The following MACROD2 variants were observed in gnomAD, a reference collection of about 807,000 sequenced individuals.
The protein encoded by MACROD2 is ADP-ribose glycohydrolase MACROD2.
Under a neutral mutation model 70.4 loss-of-function variants are expected in MACROD2, and 36 were observed. The observed-to-expected ratio is 0.51, with a 90% confidence interval of 0.39 to 0.68. The LOEUF (loss-of-function observed/expected upper bound fraction) is 0.68, where lower values mean the gene tolerates loss of function less well. Among genes scored for constraint, MACROD2 ranks in the 30% least tolerant of loss-of-function variants. The pLI is 0.00. For synonymous variants in MACROD2, 172 were observed against 178.8 expected (o/e 0.96, Z 0.30); for missense variants, 496 against 538.4 (o/e 0.92, Z 0.78).
At chr20:14,271,625 C>T (rs1056257393) in intron 3 of MACROD2, among the ~76,000 whole-genome samples, 2 of 152,230 alleles carry the variant, frequency 1.3e-5, no homozygotes, top group Middle Eastern at 3.4e-3. Context: ...TCACCAGCAA[C>T]GGAACAAAGC....
chr20:15,069,817 G>A (rs368411754), intron 5 of MACROD2, among the ~76,000 whole-genome samples: 4 of 152,212 alleles, frequency 2.6e-5, no homozygotes, highest in East Asian at 3.9e-4. Context: ...CTACAGAGGC[G>A]GAGCCCCTGC....
At chr20:15,279,866 C>T (rs1600189305) in intron 6 of MACROD2, among the ~76,000 whole-genome samples, 1 of 152,062 alleles carries the variant, frequency 6.6e-6, no homozygotes, top group African/African-American at 2.4e-5. Context: ...GGCTTAGGAT[C>T]AACATGAGGA....
At chr20:14,024,230 A>G (rs1320463383) in intron 2 of MACROD2, among the ~76,000 whole-genome samples, 1 of 152,212 alleles carries the variant, frequency 6.6e-6, no homozygotes, top group Non-Finnish European at 1.5e-5. Context: ...ATTTTTGCAC[A>G]TTGATTTTGT....
chr20:14,706,862 T>C (rs1050082998), intron 5 of MACROD2, among the ~76,000 whole-genome samples: 1 of 152,072 alleles, frequency 6.6e-6, no homozygotes, highest in Non-Finnish European at 1.5e-5. Flanking sequence ...TTTTAACTTA[T>C]TTGGTGCTGC....
intron 5 of MACROD2, among the ~76,000 whole-genome samples, chr20:14,999,948 G>C (rs1017935259): frequency 2.6e-5 from 4 of 152,150 alleles, no homozygotes; most frequent in Non-Finnish European, 4.4e-5. Flanking sequence ...ACAATTTAAA[G>C]ATATAAAAGC....
At chr20:15,331,218 A>G (rs1228748731) in intron 6 of MACROD2, among the ~76,000 whole-genome samples, 1 of 151,772 alleles carries the variant, frequency 6.6e-6, no homozygotes, top group Non-Finnish European at 1.5e-5. Flanking sequence ...TAAATAACTG[A>G]TAAAATCGAC....
chr20:16,048,540 G>A (rs1020797615), intron 17 of MACROD2, among the ~76,000 whole-genome samples: 2 of 152,016 alleles, frequency 1.3e-5, no homozygotes, highest in African/African-American at 2.4e-5. Flanking sequence ...TACCCACCAA[G>A]CATCTCCAGG....
At chr20:14,630,739 A>G (rs2123472453) in intron 4 of MACROD2, among the ~76,000 whole-genome samples, 2 of 152,346 alleles carry the variant, frequency 1.3e-5, no homozygotes, top group South Asian at 4.1e-4. Context: ...CAAAATTTAA[A>G]TTAAAAAAAT....
chr20:15,783,450 T>C (rs1458828279), intron 8 of MACROD2, among the ~76,000 whole-genome samples: 1 of 152,184 alleles, frequency 6.6e-6, no homozygotes, highest in Admixed American at 6.5e-5. Context: ...CTCTGGAGTT[T>C]CTACCTATCA....
intron 3 of MACROD2, among the ~76,000 whole-genome samples, chr20:14,237,639 C>T (rs1459391600): frequency 6.6e-6 from 1 of 151,232 alleles, no homozygotes; most frequent in African/African-American, 2.4e-5. Context: ...TGTGCTGCAC[C>T]CATTAACTTG....
chr20:14,876,078 A>T (rs986636368), intron 5 of MACROD2, among the ~76,000 whole-genome samples: 1 of 152,170 alleles, frequency 6.6e-6, no homozygotes, highest in African/African-American at 2.4e-5. Flanking sequence ...GATCTAATTT[A>T]CACTCCCACC....
intron 5 of MACROD2, among the ~76,000 whole-genome samples, chr20:14,727,020 A>T (rs975298091): frequency 9.2e-5 from 14 of 152,184 alleles, no homozygotes; most frequent in Non-Finnish European, 1.3e-4. Context: ...TATGGTTTAA[A>T]CCATATGGTG....
At chr20:14,657,063 C>A (rs1986011973) in intron 4 of MACROD2, among the ~76,000 whole-genome samples, 2 of 152,144 alleles carry the variant, frequency 1.3e-5, no homozygotes, top group South Asian at 4.1e-4. Flanking sequence ...AAATACATAC[C>A]ATTCTTGCCA....
chr20:14,836,181 T>G (rs544486927), intron 5 of MACROD2, among the ~76,000 whole-genome samples: 1 of 150,284 alleles, frequency 6.7e-6, no homozygotes, highest in South Asian at 2.1e-4. Flanking sequence ...TGGAAAAGAG[T>G]GGGTTAAGCA....
chr20:14,059,097 C>G (rs188227389), intron 2 of MACROD2, among the ~76,000 whole-genome samples: 1 of 152,168 alleles, frequency 6.6e-6, no homozygotes, highest in Non-Finnish European at 1.5e-5. Context: ...AATATTTGAG[C>G]CTATATTTTT....
chr20:14,016,873 T>C (rs878992310), intron 2 of MACROD2, among the ~76,000 whole-genome samples: 1 of 152,224 alleles, frequency 6.6e-6, no homozygotes, highest in South Asian at 2.1e-4. Context: ...TTTAGGATTT[T>C]TTTTCCCCAC....
chr20:15,486,485 G>A (rs1440329459), intron 7 of MACROD2, among the ~76,000 whole-genome samples: 1 of 152,194 alleles, frequency 6.6e-6, no homozygotes, highest in Non-Finnish European at 1.5e-5. Flanking sequence ...ACAAGAGAGA[G>A]TAGACTTATC....
intron 5 of MACROD2, among the ~76,000 whole-genome samples, chr20:15,071,766 G>A (rs1465606912): frequency 6.6e-6 from 1 of 152,076 alleles, no homozygotes; most frequent in South Asian, 2.1e-4. Flanking sequence ...TAGATTTCAG[G>A]GTTTGTTGTT....
At chr20:14,404,553 T>C (rs2083672708) in intron 3 of MACROD2, among the ~76,000 whole-genome samples, 2 of 151,686 alleles carry the variant, frequency 1.3e-5, no homozygotes, top group Non-Finnish European at 2.9e-5. Context: ...ACAGAGATCA[T>C]GTCATTGCAC....
Sources: gnomAD v4.1 joint callset for allele counts (sites outside exome capture counted in the v4.1 genomes callset) on GRCh38, gnomAD v4.1.1 for gene constraint, MANE v1.5 for transcripts, NCBI Gene and HGNC (gene_info 2026-07-23, HGNC 2026-07-21) for gene names.